The following RFTN1 variants were observed in gnomAD, a reference collection of about 807,000 sequenced individuals.
RFTN1 encodes raftlin, lipid raft linker 1.
Under a neutral mutation model 46.5 loss-of-function variants are expected in RFTN1, and 26 were observed. The observed-to-expected ratio is 0.56, with a 90% CI of 0.41 to 0.78. The LOEUF (loss-of-function observed/expected upper bound fraction) is 0.78, where lower values mean the gene tolerates loss of function less well. RFTN1 is among the 30% of genes least tolerant of loss of function. RFTN1 has a pLI of 0.00. For missense variants in RFTN1, 693 were observed against 718.7 expected (o/e 0.96, Z 0.41); for synonymous variants, 261 against 284.2 (o/e 0.92, Z 0.82).
At chr3:16,373,453 C>A (rs1294383457) in intron 5 of RFTN1, among the ~76,000 whole-genome samples, 1 of 152,218 alleles carries the variant, frequency 6.6e-6, no homozygotes. Context: ...TCCATTCAGG[C>A]CTTGCCAGGC....
At chr3:16,326,387 T>G (rs1301190375) in intron 8 of RFTN1, among the ~76,000 whole-genome samples, 1 of 152,246 alleles carries the variant, frequency 6.6e-6, no homozygotes, top group Non-Finnish European at 1.5e-5. Flanking sequence ...TTCTACCTCA[T>G]AGTATTTTTC....
chr3:16,403,747 AT>A (rs1296150255), intron 4 of RFTN1, among the ~76,000 whole-genome samples: 1 of 36,176 alleles, frequency 2.8e-5, no homozygotes, highest in Non-Finnish European at 4.1e-5. Context: ...TATATTATAT[AT>A]TATATATAAA....
At chr3:16,492,842 C>T (rs551495570) in intron 2 of RFTN1, among the ~76,000 whole-genome samples, 10 of 152,290 alleles carry the variant, frequency 6.6e-5, no homozygotes, top group Non-Finnish European at 1.5e-4. Flanking sequence ...CTCACGACTT[C>T]CCCCCCAACA....
At chr3:16,477,327 G>A (rs375349519) in intron 2 of RFTN1, among the ~76,000 whole-genome samples, 11 of 152,342 alleles carry the variant, frequency 7.2e-5, no homozygotes, top group East Asian at 3.9e-4. Flanking sequence ...CAGCAGGAAA[G>A]TGTGTCAATT....
intron 2 of RFTN1, among the ~76,000 whole-genome samples, chr3:16,462,771 C>G (rs4684282): frequency 0.062 from 9,420 of 152,312 alleles, 449 homozygotes; most frequent in Admixed American, 0.12. Flanking sequence ...GACAGCAGCC[C>G]CAGGAAACTA....
chr3:16,443,622 C>A lies in RFTN1; in HGVS notation c.146-9585G>T, dbSNP rs896423761. Among the ~76,000 whole-genome samples the A allele has an allele frequency of 7.9e-5, 12 of 152,074 alleles. No individual in the cohort carries two copies. The highest frequency in any genetic ancestry group is 2.9e-4 in the African/African-American group (12 of 41,380). ...ATGCCTCATCAAATGAATTAAGTTG[C>A]CGGCCGCCGGACCACAAATGACTGT... On this transcript the variant is annotated intron_variant, in intron 2 of 9. Transcript: ENST00000334133. The surrounding 1 kb of genome is among the most constrained non-coding windows in gnomAD (Gnocchi z 5.5).
chr3:16,508,034 G>A (rs1000519900), intron 1 of RFTN1, among the ~76,000 whole-genome samples: 5 of 152,178 alleles, frequency 3.3e-5, no homozygotes, highest in African/African-American at 1.2e-4. Flanking sequence ...CCTCCAATAC[G>A]GGATCTTAAA....
At position 16,472,835 on chromosome 3, in the gene RFTN1, C is replaced by T. The variant is rs557237062; in HGVS notation, c.145+20890G>A. Among the ~76,000 whole-genome samples, 37 of 152,216 alleles carry T rather than the reference C, an allele frequency of 2.4e-4. 1 individual carries two copies. Among genetic ancestry groups the T allele is most frequent in the East Asian group, 1.9e-4 (1 of 5,182 alleles). On this transcript the variant is annotated intron_variant, in intron 2 of 9. Coordinates refer to ENST00000334133, the MANE Select transcript of RFTN1 (RefSeq NM_015150.2). Reference sequence around the variant, plus strand: ...AGCAATTAACACAATGTTACACGACCGAAAGCTGAGGCAAGGGGCCAGTGT... The same window carrying T: ...AGCAATTAACACAATGTTACACGACTGAAAGCTGAGGCAAGGGGCCAGTGT...
chr3:16,478,417 A>C (rs920208538), intron 2 of RFTN1, among the ~76,000 whole-genome samples: 9 of 152,228 alleles, frequency 5.9e-5, no homozygotes, highest in Non-Finnish European at 1.3e-4. Flanking sequence ...GCAGAGCCAG[A>C]ATTTGAAACC....
Position 16,358,058 on chromosome 3 carries a change from A to G in RFTN1, c.1031-11T>C. 3.3e-6 allele frequency: 4 copies of G among 1,215,944 alleles called. No homozygotes were observed. Among genetic ancestry groups the G allele is most frequent in the South Asian group, 1.2e-5 (1 of 82,710 alleles). The allele number at this position is 1,215,944 out of a possible 1,614,324, so 75.3% of individuals were successfully genotyped here. On this transcript the variant is annotated splice_polypyrimidine_tract_variant and intron_variant, in intron 6 of 9. Transcript: ENST00000334133. Reference sequence around the variant, plus strand: ...AGCCATGTAAGGAATCTGTGGAAAAAGAAAAAGGCGGGGGTGGGGGGGGTC... The same window carrying G: ...AGCCATGTAAGGAATCTGTGGAAAAGGAAAAAGGCGGGGGTGGGGGGGGTC...
intron 6 of RFTN1, 116 bp downstream of exon 6, chr3:16,369,960 G>T: frequency 2.1e-6 from 2 of 943,706 alleles, no homozygotes; most frequent in East Asian, 4.9e-5. Flanking sequence ...AATGCAGCAT[G>T]GTTATCGGCT....
In RFTN1 at chr3:16,337,802, T is replaced by G. The variant is rs1353092587; in HGVS notation, c.1147-10926A>C. Among the ~76,000 whole-genome samples, 2 of 151,768 alleles carry G rather than the reference T, an allele frequency of 1.3e-5. No homozygotes were observed. Among genetic ancestry groups the G allele is most frequent in the Non-Finnish European group, 2.9e-5 (2 of 67,948 alleles). ...TTGATTTGAGAGAAATACAATGATATAGTTACTGCTGAAGGGGAGTGTTCC... is the reference window on the plus strand; with the variant it reads ...TTGATTTGAGAGAAATACAATGATAGAGTTACTGCTGAAGGGGAGTGTTCC... On this transcript the variant is annotated intron_variant, in intron 7 of 9. Coordinates refer to ENST00000334133, the MANE Select transcript of RFTN1 (RefSeq NM_015150.2). The surrounding 1 kb of genome is among the most constrained non-coding windows in gnomAD (Gnocchi z 5.0).
Position 16,329,777 on chromosome 3 carries a change from T to C in RFTN1, c.1147-2901A>G, listed in dbSNP as rs559247904. ...ATAACCTTCCCACTTTATCAAGCAC[T>C]GTGACAAACCCGCCACAATCAGACA... On this transcript the variant is annotated intron_variant, in intron 7 of 9. Coordinates refer to ENST00000334133, the MANE Select transcript of RFTN1 (RefSeq NM_015150.2). The surrounding 1 kb of genome is among the most constrained non-coding windows in gnomAD (Gnocchi z 4.5). 1.6e-4 allele frequency among the ~76,000 whole-genome samples: 25 copies of C among 152,052 alleles called. No individual in the cohort carries two copies. Among genetic ancestry groups the C allele is most frequent in the African/African-American group, 4.6e-4 (19 of 41,466 alleles).
intron 5 of RFTN1, chr3:16,371,057 A>G (rs1408424787): frequency 5.3e-5 from 8 of 152,240 alleles, no homozygotes; most frequent in Non-Finnish European, 1.0e-4. Flanking sequence ...TGGAATTTCA[A>G]TCTAAGTCTG....
chr3:16,471,352 C>G (rs1018690487), intron 2 of RFTN1, among the ~76,000 whole-genome samples: 3 of 152,192 alleles, frequency 2.0e-5, no homozygotes, highest in Non-Finnish European at 4.4e-5. Context: ...GGGCTCAAAT[C>G]TTAGCCTCAT....
chr3:16,353,239 G>C lies in RFTN1; in HGVS notation c.1146+4693C>G, dbSNP rs976229057. On this transcript the variant is annotated intron_variant, in intron 7 of 9. Transcript: ENST00000334133. The surrounding 1 kb of genome is among the most constrained non-coding windows in gnomAD (Gnocchi z 5.4). ...TAAAAAGGAAAAATCTTTCCCAGAG[G>C]CCAAAAGGGTGGGGAAAAGAAGTAG... is the stretch of plus-strand genomic sequence containing the variant. Among the ~76,000 whole-genome samples the C allele has an allele frequency of 1.3e-5, 2 of 152,176 alleles. No individual in the cohort carries two copies. The highest frequency in any genetic ancestry group is 2.9e-5 in the Non-Finnish European group (2 of 68,020).
At chr3:16,362,951 T>C (rs921363914) in intron 6 of RFTN1, among the ~76,000 whole-genome samples, 2 of 152,146 alleles carry the variant, frequency 1.3e-5, no homozygotes, top group African/African-American at 4.8e-5. Flanking sequence ...CAGGGAAAGC[T>C]ACGGCTAGCT....
intron 7 of RFTN1, among the ~76,000 whole-genome samples, chr3:16,354,140 C>A (rs995865500): frequency 6.6e-6 from 1 of 152,134 alleles, no homozygotes; most frequent in Non-Finnish European, 1.5e-5. Flanking sequence ...GATGAATATT[C>A]CCAGACCAAG....
rs190109260 is a variant in RFTN1 at position 16,511,477 on chromosome 3, T to C, written c.-9+1965A>G. On this transcript the variant is annotated intron_variant, in intron 1 of 9. Coordinates refer to ENST00000334133, the MANE Select transcript of RFTN1 (RefSeq NM_015150.2). ...GTAGTTAAGCAAAGATGGCAAAATG[T>C]GAATTAGACTCTAGGTGTGTATATT... 1.7e-3 allele frequency among the ~76,000 whole-genome samples: 266 copies of C among 152,260 alleles called. 1 individual carries two copies. Among genetic ancestry groups the C allele is most frequent in the Non-Finnish European group, 2.9e-3 (200 of 68,016 alleles).
Sources: allele counts gnomAD v4.1 joint callset (sites outside exome capture counted in the v4.1 genomes callset), GRCh38; gene constraint gnomAD v4.1.1; non-coding constraint Gnocchi (gnomAD v3.1); transcripts MANE v1.5; gene names NCBI Gene and HGNC (gene_info 2026-07-23, HGNC 2026-07-21).